Variants in ADA observed in about 807,000 individuals in gnomAD.
The protein encoded by ADA is adenosine deaminase.
In ADA, 45 loss-of-function variants were observed where a neutral mutation model predicts 49.0. The ratio of observed to expected loss-of-function variants is 0.92; its 90% confidence interval spans 0.72 to 1.18. ADA has a LOEUF of 1.18. ADA is among the 50% of genes most tolerant of loss of function. The pLI is 0.00. For missense variants in ADA, 445 were observed against 472.5 expected, an observed-to-expected ratio of 0.94 and a Z score of 0.54; for synonymous variants, 173 against 184.2, an observed-to-expected ratio of 0.94 and a Z score of 0.49.
At position 44,648,378 on chromosome 20, in the gene ADA, A is replaced by G. The variant is rs528683535; in HGVS notation, c.33+3197T>C. ...TCAGAGTTCTGAGCGAAGGAATCCA[A>G]GAGTGGCCAACCTGGAGATCCAGTC... On this transcript the variant is annotated intron_variant, in intron 1 of 11. Coordinates refer to ENST00000372874, the MANE Select transcript of ADA (RefSeq NM_000022.4). Among the ~76,000 whole-genome samples the G allele has an allele frequency of 8.5e-5, 13 of 152,234 alleles. No homozygotes were observed. The East Asian group carries it at 2.3e-3, about 27-fold the overall frequency.
At chr20:44,626,741 C>G in intron 3 of ADA, 142 bp from the exon 4 acceptor site, 1 of 1,028,420 alleles carries the variant, frequency 9.7e-7, no homozygotes, top group Admixed American at 2.0e-5. Context: ...TGGATAAGAT[C>G]CCAGACACTG....
chr20:44,646,734 G>A (rs572530333), intron 1 of ADA, among the ~76,000 whole-genome samples: 73 of 152,168 alleles, frequency 4.8e-4, no homozygotes, highest in Middle Eastern at 6.8e-3. Flanking sequence ...CAGTACATCT[G>A]AAGCCCAGGG....
intron 5 of ADA, 124 bp downstream of exon 5, chr20:44,625,445 G>T (rs2065372462): frequency 1.2e-6 from 1 of 866,630 alleles, no homozygotes; most frequent in Non-Finnish European, 1.9e-6. Context: ...CATGCCAGTG[G>T]GCTCAAGGGG....
intron 9 of ADA, 45 bp downstream of exon 9, chr20:44,622,543 C>T (rs1262887948): frequency 6.2e-7 from 1 of 1,611,238 alleles, no homozygotes; most frequent in Non-Finnish European, 8.5e-7. Context: ...CCCTCTTTGG[C>T]CTTCCTGGAA....
intron 1 of ADA, among the ~76,000 whole-genome samples, chr20:44,644,689 C>T (rs1305148562): frequency 6.6e-6 from 1 of 152,224 alleles, no homozygotes; most frequent in Non-Finnish European, 1.5e-5. Context: ...ACAGAGCAGC[C>T]CTGGGCTGAG....
At position 44,650,866 on chromosome 20, in the gene ADA, C is replaced by T. The variant is rs141479722; in HGVS notation, c.33+709G>A. 1.5e-3 allele frequency among the ~76,000 whole-genome samples: 230 copies of T among 152,290 alleles called. 1 individual carries two copies. Among genetic ancestry groups the T allele is most frequent in the African/African-American group, 5.2e-3 (215 of 41,562 alleles). ...GGGCCCCTCCTCTCGGACTCTGCGACAGGCCAAGGGGGTCCAGACCCTCCC... is the reference window on the plus strand; with the variant it reads ...GGGCCCCTCCTCTCGGACTCTGCGATAGGCCAAGGGGGTCCAGACCCTCCC... On this transcript the variant is annotated intron_variant, in intron 1 of 11. Coordinates refer to ENST00000372874, the MANE Select transcript of ADA (RefSeq NM_000022.4).
At chr20:44,626,352 G>A (rs2065382020) in intron 4 of ADA, 104 bp downstream of exon 4, 8 of 1,535,470 alleles carry the variant, frequency 5.2e-6, no homozygotes, top group Non-Finnish European at 7.1e-6. Flanking sequence ...GCAAGAACAA[G>A]GTCTTGCTTG....
At chr20:44,645,865 A>G (rs1300088428) in intron 1 of ADA, among the ~76,000 whole-genome samples, 2 of 152,184 alleles carry the variant, frequency 1.3e-5, no homozygotes, top group African/African-American at 2.4e-5. Context: ...CTGGTGTCCA[A>G]GTTCAAATTC....
At chr20:44,627,319 T>C (rs1376988636) in intron 3 of ADA, among the ~76,000 whole-genome samples, 2 of 152,050 alleles carry the variant, frequency 1.3e-5, no homozygotes, top group East Asian at 3.9e-4. Context: ...GTAGCTGGGA[T>C]TACAGGCGCA....
chr20:44,626,661 C>A (rs1204491267), intron 3 of ADA, 62 bp from the exon 4 acceptor site: 37 of 1,601,220 alleles, frequency 2.3e-5, no homozygotes, highest in Non-Finnish European at 2.7e-5. Flanking sequence ...GCTCCAGGAG[C>A]AAATGACATC....
intron 2 of ADA, chr20:44,635,954 G>T (rs2065476020): frequency 2.2e-5 from 11 of 507,426 alleles, no homozygotes; most frequent in South Asian, 2.0e-4. Context: ...GCACGTATGT[G>T]GGTGGGTGGG....
In ADA at chr20:44,620,494, A is replaced by G. The variant is rs1455694254; in HGVS notation, c.976-93T>C. The G allele has an allele frequency of 4.7e-6, 5 of 1,053,350 alleles. No individual in the cohort carries two copies. In the African/African-American group the frequency reaches 6.2e-5, roughly 13 times the overall value. 65.3% of individuals were successfully genotyped at this position (1,053,350 alleles called of 1,614,324 possible). A position where few individuals can be genotyped will look rare whatever the true frequency, so the allele number is the denominator to read the frequency against. On this transcript the variant is annotated intron_variant, in intron 10 of 11. Transcript: ENST00000372874. ...TGATAGTCCATCCTCTTCACTCAACATGGGCAGATACGCTTAGAGGGGGAA... is the reference window on the plus strand; with the variant it reads ...TGATAGTCCATCCTCTTCACTCAACGTGGGCAGATACGCTTAGAGGGGGAA...
At chr20:44,619,931 G>T (rs2065311889) in intron 11 of ADA, 84 bp from the exon 12 acceptor site, 1 of 1,555,346 alleles carries the variant, frequency 6.4e-7, no homozygotes, top group Non-Finnish European at 8.9e-7. Context: ...ACCAGAACCA[G>T]AAAGGAACTC....
At position 44,636,255 on chromosome 20, in the gene ADA, T is replaced by C; in HGVS notation, c.67A>G (p.Lys23Glu). ...ELHVHLDGSIKPETILYYGRR... is the reference protein window; with the variant it reads ...ELHVHLDGSIEPETILYYGRR... ...CCATAGTATAAGATGGTTTCAGGCT[T>C]GATGGATCCGTCTAGGTGGACATGC... The change falls in exon 2 of 12, where the codon AAG (lysine) becomes GAG (glutamate). Residue 23 changes from lysine to glutamate, a missense_variant. By Grantham distance (56) the Lys-to-Glu change is moderately conservative. Coordinates refer to ENST00000372874, the MANE Select transcript of ADA (RefSeq NM_000022.4). 1.2e-6 allele frequency: 2 copies of C among 1,610,580 alleles called. No homozygotes were observed. Among genetic ancestry groups the C allele is most frequent in the Non-Finnish European group, 1.7e-6 (2 of 1,178,260 alleles).
In ADA at chr20:44,623,081, G is replaced by A; in HGVS notation, c.607-3C>T. On this transcript the variant is annotated splice_polypyrimidine_tract_variant and splice_region_variant and intron_variant, in intron 6 of 11. Transcript: ENST00000372874. ...TGAATGCCGCTCTTCACAGCCTCCT[G>A]GAAGGGGGAGAGCCAGGTCATGGGT... The A allele has an allele frequency of 6.2e-7, 1 of 1,614,028 alleles. No individual in the cohort carries two copies. Among genetic ancestry groups the A allele is most frequent in the African/African-American group, 1.3e-5 (1 of 75,044 alleles).
chr20:44,644,929 G>A (rs754947534), intron 1 of ADA, among the ~76,000 whole-genome samples: 8 of 152,200 alleles, frequency 5.3e-5, no homozygotes, highest in South Asian at 2.1e-4. Flanking sequence ...ACTTAAACTC[G>A]TTTTAAAGGC....
At chr20:44,633,486 C>T (rs1036699859) in intron 2 of ADA, among the ~76,000 whole-genome samples, 1 of 152,100 alleles carries the variant, frequency 6.6e-6, no homozygotes, top group Non-Finnish European at 1.5e-5. Context: ...ACTTTAAGGC[C>T]CATGTGTGGA....
intron 8 of ADA, 29 bp downstream of exon 8, chr20:44,622,800 G>A (rs1180775512): frequency 1.9e-6 from 3 of 1,614,184 alleles, no homozygotes; most frequent in Non-Finnish European, 1.7e-6. Context: ...AGCCGGGGAT[G>A]GTTCCTCCCC....
At chr20:44,647,273 A>G (rs760637100) in intron 1 of ADA, among the ~76,000 whole-genome samples, 14 of 151,830 alleles carry the variant, frequency 9.2e-5, no homozygotes, top group Admixed American at 3.3e-4. Context: ...CGTCTCTACT[A>G]AAAATACAAA....
Sources: gnomAD v4.1 joint callset for allele counts (sites outside exome capture counted in the v4.1 genomes callset) on GRCh38, gnomAD v4.1.1 for gene constraint, MANE v1.5 for transcripts, NCBI Gene and HGNC (gene_info 2026-07-23, HGNC 2026-07-21) for gene names.